Variants in HTT observed in about 807,000 individuals in gnomAD.
The protein encoded by HTT is huntingtin.
HTT carries 104 observed loss-of-function variants against 362.3 expected under a neutral mutation model. That is an observed-to-expected ratio of 0.29 (90% CI 0.24 to 0.34). The LOEUF (loss-of-function observed/expected upper bound fraction) is 0.34. HTT is among the 10% of genes least tolerant of loss of function. HTT has a pLI of 1.00. For missense variants in HTT, 3,301 were observed against 3,928.6 expected (o/e 0.84, Z 4.27); for synonymous variants, 1,577 against 1,548.7 (o/e 1.02, Z -0.43).
intron 30 of HTT, among the ~76,000 whole-genome samples, 184 bp downstream of exon 30, chr4:3,172,581 AG>A (rs1178478439): frequency 6.6e-6 from 1 of 152,190 alleles, no homozygotes; most frequent in East Asian, 1.9e-4. Flanking sequence ...ACTCCCCAGG[AG>A]GACGAGGTCT....
intron 17 of HTT, 30 bp from the exon 18 acceptor site, chr4:3,132,784 A>G: frequency 1.2e-6 from 2 of 1,612,538 alleles, no homozygotes; most frequent in Non-Finnish European, 1.7e-6. Flanking sequence ...AGTTTAGATG[A>G]TGATGTTTGT....
chr4:3,143,098 A>G (rs1289686531), intron 23 of HTT, among the ~76,000 whole-genome samples: 1 of 152,186 alleles, frequency 6.6e-6, no homozygotes, highest in Non-Finnish European at 1.5e-5. Flanking sequence ...TATTAAAGTA[A>G]TACACGCCCA....
At chr4:3,238,219 G>A (rs1428956787) in intron 64 of HTT, among the ~76,000 whole-genome samples, 1 of 152,238 alleles carries the variant, frequency 6.6e-6, no homozygotes. Flanking sequence ...GCCTCCACGA[G>A]CTAGACAGAG....
At chr4:3,158,135 C>A (rs1367240971) in intron 28 of HTT, among the ~76,000 whole-genome samples, 1 of 152,132 alleles carries the variant, frequency 6.6e-6, no homozygotes, top group East Asian at 1.9e-4. Flanking sequence ...CGGCATGTGC[C>A]ACCACACCCA....
At chr4:3,208,200 T>C (rs1011378220) in intron 45 of HTT, among the ~76,000 whole-genome samples, 14 of 152,216 alleles carry the variant, frequency 9.2e-5, no homozygotes, top group African/African-American at 3.4e-4. Flanking sequence ...CCAAGCTCTT[T>C]TGTAATTTGC....
chr4:3,090,762 G>T (rs1384579212), intron 2 of HTT, among the ~76,000 whole-genome samples: 2 of 152,148 alleles, frequency 1.3e-5, no homozygotes, highest in Non-Finnish European at 2.9e-5. Flanking sequence ...TCTAGTAGAG[G>T]TATTTTTGAA....
intron 17 of HTT, 32 bp downstream of exon 17, chr4:3,132,752 T>C (rs1432828618): frequency 6.2e-7 from 1 of 1,613,466 alleles, no homozygotes; most frequent in Non-Finnish European, 8.5e-7. Flanking sequence ...GTGTTTTTTC[T>C]AGTTATGCTT....
In HTT at chr4:3,206,783, T is replaced by C. The variant is rs1417413002; in HGVS notation, c.5899-24T>C. The stretch of plus-strand genomic sequence containing the variant: ...TCTGATTTGCAAAATAGTCATCTTT[T>C]GTTCTTTTCCTTCTTGCTGTTAGCC... On this transcript the variant is annotated intron_variant, in intron 43 of 66. Transcript: ENST00000355072. This position sits in a 1 kb window ranked among gnomAD's most constrained non-coding sequence, Gnocchi z 4.6. 1 of 1,592,240 alleles carries C rather than the reference T, an allele frequency of 6.3e-7. No homozygotes were observed. The highest frequency in any genetic ancestry group is 1.1e-5 in the South Asian group (1 of 88,558).
rs1322913126 is a variant in HTT at position 3,127,423 on chromosome 4, C to T, written c.1562C>T (p.Ala521Val). Residue 521 changes from alanine to valine, a missense_variant, in exon 12 of 67, where the codon GCC becomes GTC. Physicochemically the swap from Ala to Val is moderately conservative, Grantham distance 64. Coordinates refer to ENST00000355072, the MANE Select transcript of HTT (RefSeq NM_001388492.1). ...GCCAGCTGTGACTTGACAAGCTCTG[C>T]CACTGATGGGGATGAGGAGGATATC... ...DLASCDLTSS[A>V]TDGDEEDILS... The T allele has an allele frequency of 6.2e-7, 1 of 1,614,182 alleles. No individual in the cohort carries two copies. The highest frequency in any genetic ancestry group is 1.1e-5 in the South Asian group (1 of 91,086).
At chr4:3,152,173 A>G (rs1430477752) in intron 26 of HTT, among the ~76,000 whole-genome samples, 1 of 150,538 alleles carries the variant, frequency 6.6e-6, no homozygotes, top group Non-Finnish European at 1.5e-5. Context: ...ATCTCAGCTC[A>G]CTGCAACTTC....
At chr4:3,209,970 G>A (rs1255447489) in intron 47 of HTT, 21 bp downstream of exon 47, 1 of 1,611,636 alleles carries the variant, frequency 6.2e-7, no homozygotes. Context: ...AGCAGTGGAG[G>A]CAAGGAATCC....
At chr4:3,084,198 C>CTTTT (rs4038024) in intron 1 of HTT, among the ~76,000 whole-genome samples, 1 of 81,952 alleles carries the variant, frequency 1.2e-5, no homozygotes, top group Non-Finnish European at 2.4e-5. Flanking sequence ...AATGCTTTGT[C>CTTTT]TTTTTTTTTT....
At chr4:3,155,194 A>C (rs1228019031) in intron 27 of HTT, among the ~76,000 whole-genome samples, 1 of 151,960 alleles carries the variant, frequency 6.6e-6, no homozygotes, top group Non-Finnish European at 1.5e-5. Context: ...TAGCATTTAT[A>C]TCAAGGCTAT....
chr4:3,082,156 A>T (rs6830019), intron 1 of HTT, among the ~76,000 whole-genome samples: 8,727 of 152,252 alleles, frequency 0.057, 434 homozygotes, highest in African/African-American at 0.13. Flanking sequence ...ATATTGTTCC[A>T]TAGCAGTACC....
chr4:3,139,781 A>G (rs543041647), intron 21 of HTT, among the ~76,000 whole-genome samples: 2 of 152,298 alleles, frequency 1.3e-5, no homozygotes, highest in East Asian at 1.9e-4. Flanking sequence ...CAAAATTGCA[A>G]AAGTGCCTAA....
chr4:3,109,978 G>A (rs1038629023), intron 6 of HTT, among the ~76,000 whole-genome samples: 4 of 152,178 alleles, frequency 2.6e-5, no homozygotes, highest in Non-Finnish European at 4.4e-5. Flanking sequence ...CTTGGAGGTG[G>A]AGGAGACAGC....
chr4:3,087,161 A>G (rs1483027081), intron 2 of HTT, 139 bp downstream of exon 2: 3 of 526,600 alleles, frequency 5.7e-6, no homozygotes, highest in East Asian at 2.9e-5. Context: ...CCCTTTTCCC[A>G]TATTTCTGGC....
At chr4:3,149,294 CTTTTTT>C (rs1029468563) in intron 26 of HTT, among the ~76,000 whole-genome samples, 1 of 130,884 alleles carries the variant, frequency 7.6e-6, no homozygotes, top group Admixed American at 7.7e-5. Flanking sequence ...AGTTCACATA[CTTTTTT>C]TTTTTTTTTT....
intron 29 of HTT, 58 bp from the exon 30 acceptor site, chr4:3,172,262 A>T (rs1038508480): frequency 1.1e-6 from 1 of 942,256 alleles, no homozygotes; most frequent in East Asian, 2.4e-5. Flanking sequence ...TCTGTCTAGG[A>T]TTCGTACAAT....
Sources: allele counts gnomAD v4.1 joint callset (sites outside exome capture counted in the v4.1 genomes callset), GRCh38; gene constraint gnomAD v4.1.1; non-coding constraint Gnocchi (gnomAD v3.1); transcripts MANE v1.5; gene names NCBI Gene and HGNC (gene_info 2026-07-23, HGNC 2026-07-21).